UBD: variants seen among roughly 807,000 people sequenced by gnomAD.
UBD encodes ubiquitin like modifier D, also known as ubiquitin D.
In UBD, 1 loss-of-function variant was observed where a neutral mutation model predicts 2.3. The observed-to-expected ratio is 0.43, with a 90% confidence interval of 0.15 to 2.06. The LOEUF (loss-of-function observed/expected upper bound fraction) is 2.06, where lower values mean the gene tolerates loss of function less well. UBD is among the 30% of genes most tolerant of loss of function. The pLI is 0.29. For synonymous variants in UBD, 75 were observed against 76.5 expected (o/e 0.98, Z 0.10); for missense variants, 175 against 199.3 (o/e 0.88, Z 0.73).
intron 1 of UBD, 77 bp downstream of exon 1, chr6:29,559,598 C>G (rs1378100924): frequency 2.6e-6 from 4 of 1,539,526 alleles, no homozygotes; most frequent in Non-Finnish European, 3.6e-6. Flanking sequence ...ACTGCCCAGC[C>G]CCCGTTTCTA....
At chr6:29,556,890 G>C (rs1179497978) in intron 1 of UBD, 3 of 154,790 alleles carry the variant, frequency 1.9e-5, no homozygotes, top group Non-Finnish European at 2.9e-5. Context: ...CCAGGAGGCA[G>C]AGGTTGCAGT....
At chr6:29,557,163 C>A (rs1408888551) in intron 1 of UBD, 1 of 152,166 alleles carries the variant, frequency 6.6e-6, no homozygotes, top group East Asian at 1.9e-4. Context: ...AGTCATGCAT[C>A]CCTTACACTT....
chr6:29,559,448 A>G lies in UBD; in HGVS notation c.27+227T>C, dbSNP rs565669687. ...CTACCATTTATCCCTAAGAGTAGCT[A>G]GTCCAATGTTTTATTTAAAAAAGAA... On this transcript the variant is annotated intron_variant, in intron 1 of 1. Coordinates refer to ENST00000377050, the MANE Select transcript of UBD (RefSeq NM_006398.4). Among the ~76,000 whole-genome samples, 5 of 152,290 alleles carry G rather than the reference A, an allele frequency of 3.3e-5. No individual in the cohort carries two copies. In the East Asian group the frequency reaches 9.6e-4, roughly 29 times the overall value.
In UBD at chr6:29,556,093, T is replaced by G. The variant is rs550552882; in HGVS notation, c.285A>C (p.Ser95=). The G allele has an allele frequency of 6.2e-7, 1 of 1,613,116 alleles. No individual in the cohort carries two copies. Among genetic ancestry groups the G allele is most frequent in the Non-Finnish European group, 8.5e-7 (1 of 1,180,020 alleles). The part of the protein sequence containing the change: ...DEELPLFLVE[S]GDEAKRHLLQ... ...GGAGGTGCCTCTTTGCCTCATCACC[T>G]GACTCCACAAGAAACAAGGGCAGCT... The change falls in exon 2 of 2, where the codon TCA becomes TCC. Residue 95 remains serine, a synonymous_variant. Transcript: ENST00000377050.
intron 1 of UBD, among the ~76,000 whole-genome samples, chr6:29,558,335 G>C (rs1762627602): frequency 6.6e-6 from 1 of 152,162 alleles, no homozygotes; most frequent in Admixed American, 6.5e-5. Context: ...GACCAATCAG[G>C]TAGTAAAGAG....
intron 1 of UBD, chr6:29,557,372 G>A (rs1217017333): frequency 1.3e-5 from 2 of 152,152 alleles, no homozygotes; most frequent in Non-Finnish European, 2.9e-5. Flanking sequence ...ATTTTCTCCT[G>A]ATAAGAGACC....
In UBD at chr6:29,556,199, C is replaced by T. The variant is rs138658904; in HGVS notation, c.179G>A (p.Arg60Gln). ...AATGCCATAAGATGAGAGGCTTCTC[C>T]GTGGCTTTAAGATCTTGGAGCCCAG... ...LLLGSKILKP[R>Q]RSLSSYGIDK... The change falls in exon 2 of 2, where the codon CGG (arginine) becomes CAG (glutamine). Residue 60 changes from arginine (R) to glutamine (Q), a missense_variant. Transcript: ENST00000377050. 1.2e-5 allele frequency: 20 copies of T among 1,612,970 alleles called. No individual in the cohort carries two copies. In the African/African-American group the frequency reaches 1.7e-4, roughly 14 times the overall value.
rs745582957 is a variant in UBD, at chr6:29,556,251, C to A, written c.127G>T (p.Val43Phe). The A allele has an allele frequency of 6.2e-6, 10 of 1,612,974 alleles. 1 individual carries two copies. The highest frequency in any genetic ancestry group is 2.7e-5 in the African/African-American group (2 of 74,932). Residue 43 changes from valine (V) to phenylalanine (F), a missense_variant, in exon 2 of 2, where the codon GTT (valine) becomes TTT (phenylalanine). Transcript: ENST00000377050. ...IKEHVRSKTK[V>F]PVQDQVLLLG... is the part of the protein sequence containing the mutation. ...AAAAGAACCTGGTCCTGCACAGGAACCTTGGTCTTAGACCGGACATGTTCT... is the reference window on the plus strand; with the variant it reads ...AAAAGAACCTGGTCCTGCACAGGAAACTTGGTCTTAGACCGGACATGTTCT...
In UBD at chr6:29,556,137, C is replaced by G; in HGVS notation, c.241G>C (p.Val81Leu). 6.2e-7 allele frequency: 1 copy of G among 1,613,116 alleles called. No individual in the cohort carries two copies. The highest frequency in any genetic ancestry group is 8.5e-7 in the Non-Finnish European group (1 of 1,180,038). Residue 81 changes from valine (V) to leucine (L), a missense_variant, in exon 2 of 2, where the codon GTG (valine) becomes CTG (leucine). Val to Leu is a conservative substitution (Grantham distance 32, BLOSUM62 1). Transcript: ENST00000377050. ...EKTIHLTLKVVKPSDEELPLF... is the reference protein window; with the variant it reads ...EKTIHLTLKVLKPSDEELPLF... ...GGCAGCTCCTCATCACTGGGCTTCA[C>G]CACTTTCAGGGTAAGGTGGATGGTC...
intron 1 of UBD, chr6:29,557,316 C>T (rs1215238282): frequency 6.6e-6 from 1 of 151,562 alleles, no homozygotes; most frequent in Non-Finnish European, 1.5e-5. Context: ...CCGTGTTCCA[C>T]AAGCCATAAC....
At chr6:29,556,604 C>G in intron 1 of UBD, 1 of 506,292 alleles carries the variant, frequency 2.0e-6, no homozygotes, top group Non-Finnish European at 3.5e-6. Context: ...AAATCCTGAG[C>G]CCCCAACCAA....
At chr6:29,558,701 T>C (rs956497893) in intron 1 of UBD, among the ~76,000 whole-genome samples, 1 of 152,210 alleles carries the variant, frequency 6.6e-6, no homozygotes, top group African/African-American at 2.4e-5. Context: ...CCGCTCCTGA[T>C]TGGGCTAAAG....
intron 1 of UBD, 95 bp from the exon 2 acceptor site, chr6:29,556,445 A>G (rs545195490): frequency 6.9e-6 from 6 of 863,726 alleles, no homozygotes; most frequent in Non-Finnish European, 7.2e-6. Context: ...TCCACTATCT[A>G]TCTGGTCCTC....
In UBD at chr6:29,555,885, C is replaced by T; in HGVS notation, c.493G>A (p.Gly165Arg). The change falls in exon 2 of 2, where the codon GGG (glycine) becomes AGG (arginine). Residue 165 changes from glycine to arginine, a missense_variant. By Grantham distance (125) the Gly-to-Arg change is moderately radical. Transcript: ENST00000377050. ...LLFLACYCIG[G>R] Reference sequence around the variant, plus strand: ...ACACCCCATGCCCAGGGTGGTCACCCTCCAATACAATAACATGCCAGGAAG... The same window carrying T: ...ACACCCCATGCCCAGGGTGGTCACCTTCCAATACAATAACATGCCAGGAAG... 6.2e-7 allele frequency: 1 copy of T among 1,612,846 alleles called. No individual in the cohort carries two copies. Among genetic ancestry groups the T allele is most frequent in the Non-Finnish European group, 8.5e-7 (1 of 1,179,916 alleles).
In UBD at chr6:29,555,991, G is replaced by A; in HGVS notation, c.387C>T (p.Thr129=). ...IETKTGIIPE[T]QIVTCNGKRL... is the part of the protein sequence containing the mutation. ...TCTTTCCATTGCAAGTCACAATCTG[G>A]GTCTCAGGGATTATACCCGTCTTAG... The change falls in exon 2 of 2, where the codon ACC becomes ACT. Residue 129 remains threonine, a synonymous_variant. Coordinates refer to ENST00000377050, the MANE Select transcript of UBD (RefSeq NM_006398.4). 1 of 1,612,956 alleles carries A rather than the reference G, an allele frequency of 6.2e-7. No homozygotes were observed. The highest frequency in any genetic ancestry group is 8.5e-7 in the Non-Finnish European group (1 of 1,180,024).
chr6:29,556,182 A>C lies in UBD; in HGVS notation c.196T>G (p.Tyr66Asp). The C allele has an allele frequency of 6.2e-7, 1 of 1,613,060 alleles. No homozygotes were observed. Among genetic ancestry groups the C allele is most frequent in the Non-Finnish European group, 8.5e-7 (1 of 1,180,020 alleles). ...ILKPRRSLSS[Y>D]GIDKEKTIHL... The stretch of plus-strand genomic sequence containing the variant: ...ATGGTCTTCTCTTTGTCAATGCCAT[A>C]AGATGAGAGGCTTCTCCGTGGCTTT... Residue 66 changes from tyrosine (Y) to aspartate (D), a missense_variant, in exon 2 of 2, where the codon TAT becomes GAT. By Grantham distance (160) the Tyr-to-Asp change is radical. Transcript: ENST00000377050.
rs1393265141 is a variant in UBD, at chr6:29,555,557, A to T, written c.*323T>A. 5 of 321,552 alleles carry T rather than the reference A, an allele frequency of 1.6e-5. No individual in the cohort carries two copies. Among genetic ancestry groups the T allele is most frequent in the African/African-American group, 4.3e-5 (2 of 46,478 alleles). 19.9% of individuals were successfully genotyped at this position (321,552 alleles called of 1,614,324 possible). A position where few individuals can be genotyped will look rare whatever the true frequency, so the allele number is the denominator to read the frequency against. On this transcript the variant is annotated 3_prime_UTR_variant, in exon 2 of 2. Transcript: ENST00000377050. ...TTACTCTCTTGTCATAAAGGAAAGG[A>T]GATAGGAGTTTTTGCATAAATAACA...
intron 1 of UBD, 26 bp downstream of exon 1, chr6:29,559,649 A>T: frequency 6.2e-7 from 1 of 1,612,620 alleles, no homozygotes; most frequent in Non-Finnish European, 8.5e-7. Context: ...TCCTTTCCCC[A>T]TCCCCTTTAT....
Position 29,556,335 on chromosome 6 carries a change from C to A in UBD, c.43G>T (p.Glu15Ter), listed in dbSNP as rs370066296. 1 of 1,611,642 alleles carries A rather than the reference C, an allele frequency of 6.2e-7. No homozygotes were observed. Among genetic ancestry groups the A allele is most frequent in the African/African-American group, 1.3e-5 (1 of 74,960 alleles). Residue 15 changes from glutamate to a stop codon, truncating the protein, a stop_gained, in exon 2 of 2, where the codon GAG becomes TAG. Transcript: ENST00000377050. LOFTEE classifies it low-confidence loss of function (END_TRUNC). ...ASCLCVHVRS[E>*]EWDLMTFDAN... is the part of the protein sequence containing the mutation. ...TCAAAGGTCATTAAATCCCATTCCT[C>A]GGAACGGACATGCACCTGGGAAGTG...
Sources: gnomAD v4.1 joint callset for allele counts (sites outside exome capture counted in the v4.1 genomes callset) on GRCh38, gnomAD v4.1.1 for gene constraint, MANE v1.5 for transcripts, NCBI Gene and HGNC (gene_info 2026-07-23, HGNC 2026-07-21) for gene names.